Variants in HERC2 observed in about 807,000 individuals in gnomAD.
The protein encoded by HERC2 is E3 ubiquitin-protein ligase HERC2.
HERC2 carries 102 observed loss-of-function variants against 537.7 expected under a neutral mutation model. That is an observed-to-expected ratio of 0.19 (90% CI 0.16 to 0.22). The LOEUF is 0.22. HERC2 is among the 10% of genes least tolerant of loss of function. HERC2 has a pLI of 1.00. For missense variants in HERC2, 4,236 were observed against 6,198.2 expected, an observed-to-expected ratio of 0.68 and a Z score of 10.63; for synonymous variants, 2,224 against 2,466.2, an observed-to-expected ratio of 0.90 and a Z score of 2.91.
At chr15:28,270,495 G>A (rs902963306) in intron 10 of HERC2, among the ~76,000 whole-genome samples, 200 bp downstream of exon 10, 3 of 151,942 alleles carry the variant, frequency 2.0e-5, no homozygotes, top group South Asian at 2.1e-4. Flanking sequence ...AGGTTGGGTC[G>A]CCAGGCCTGT....
chr15:28,138,303 T>C (rs1208257435), intron 78 of HERC2, among the ~76,000 whole-genome samples: 1 of 152,190 alleles, frequency 6.6e-6, no homozygotes, highest in Non-Finnish European at 1.5e-5. Flanking sequence ...AACCGTCTAT[T>C]GGAAGAAGAT....
chr15:28,230,718 C>T (rs2525986), intron 30 of HERC2, among the ~76,000 whole-genome samples: 17 of 150,958 alleles, frequency 1.1e-4, no homozygotes, highest in Non-Finnish European at 1.3e-4. Context: ...CCCCGAAGCA[C>T]GGGAAGCCCG....
chr15:28,314,702 A>G (rs1263009156), intron 2 of HERC2, among the ~76,000 whole-genome samples: 1 of 149,362 alleles, frequency 6.7e-6, no homozygotes, highest in African/African-American at 2.4e-5. Context: ...TAAAAATACA[A>G]AAAAAAAAAT....
intron 3 of HERC2, among the ~76,000 whole-genome samples, chr15:28,297,618 C>T (rs1011995391): frequency 4.0e-5 from 6 of 151,786 alleles, no homozygotes; most frequent in African/African-American, 7.3e-5. Flanking sequence ...CAGAAGAACC[C>T]GACTACGTGA....
rs766906619 is a variant in HERC2, at chr15:28,122,350, G to A, written c.13189-921C>T. ...AGCTCTCTTGGCCAAGGAGGCAATC[G>A]TGCCTTCTTTCGGTTAGGGGTGGGC... On this transcript the variant is annotated intron_variant, in intron 85 of 92. Coordinates refer to ENST00000261609, the MANE Select transcript of HERC2 (RefSeq NM_004667.6). The surrounding 1 kb of genome is among the most constrained non-coding windows in gnomAD (Gnocchi z 4.1). Among the ~76,000 whole-genome samples the A allele has an allele frequency of 6.6e-6, 1 of 152,198 alleles. No individual in the cohort carries two copies. Among genetic ancestry groups the A allele is most frequent in the Non-Finnish European group, 1.5e-5 (1 of 68,026 alleles).
chr15:28,170,513 C>A (rs1894586212), intron 65 of HERC2, among the ~76,000 whole-genome samples: 2 of 152,156 alleles, frequency 1.3e-5, no homozygotes, highest in Non-Finnish European at 2.9e-5. Context: ...AAAATTAAAT[C>A]CAAATGGATC....
Position 28,114,773 on chromosome 15 carries a change from C to A in HERC2, c.13752G>T (p.Met4584Ile). The change falls in exon 90 of 93, where the codon ATG becomes ATT. Residue 4584 changes from methionine to isoleucine, a missense_variant. Coordinates refer to ENST00000261609, the MANE Select transcript of HERC2 (RefSeq NM_004667.6). ...AGGTGGCTTCATTGTCTCGGATGTA[C>A]ATGAGTCCAGGAATAAAATCCTTAT... ...EVDKDFIPGL[M>I]YIRDNEATSE... 1 of 1,614,034 alleles carries A rather than the reference C, an allele frequency of 6.2e-7. No individual in the cohort carries two copies. Among genetic ancestry groups the A allele is most frequent in the Non-Finnish European group, 8.5e-7 (1 of 1,180,008 alleles).
At position 28,257,112 on chromosome 15, in the gene HERC2, G is replaced by A; in HGVS notation, c.2466C>T (p.Pro822=). The A allele has an allele frequency of 6.2e-7, 1 of 1,613,830 alleles. No homozygotes were observed. The highest frequency in any genetic ancestry group is 8.5e-7 in the Non-Finnish European group (1 of 1,179,782). ...CCACGGCCACACACTCTTTCTCCTG[G>A]GGCGGGGGCCAGTCCGCGGAACCAT... ...GMDGSADWPP[P]QEKECVAVAT... The change falls in exon 17 of 93, where the codon CCC becomes CCT. Residue 822 remains proline (P), a synonymous_variant. Transcript: ENST00000261609.
At chr15:28,249,262 G>A (rs765601822) in intron 20 of HERC2, among the ~76,000 whole-genome samples, 5 of 152,100 alleles carry the variant, frequency 3.3e-5, no homozygotes, top group South Asian at 2.1e-4. Context: ...GCCCTTACTC[G>A]CAAGCAGCAC....
At chr15:28,298,799 C>CA (rs2076542962) in intron 3 of HERC2, among the ~76,000 whole-genome samples, 1 of 151,210 alleles carries the variant, frequency 6.6e-6, no homozygotes, top group Admixed American at 6.6e-5. Flanking sequence ...CCTTCCCCCC[C>CA]AAAAAAAAGA....
At chr15:28,217,418 ACACT>A (rs1349349760) in intron 38 of HERC2, among the ~76,000 whole-genome samples, 4 of 152,110 alleles carry the variant, frequency 2.6e-5, no homozygotes, top group Admixed American at 1.3e-4. Context: ...GACCGCTAAC[ACACT>A]CACTCTCATC....
intron 20 of HERC2, among the ~76,000 whole-genome samples, chr15:28,253,202 A>C (rs2075139477): frequency 6.6e-6 from 1 of 152,222 alleles, no homozygotes; most frequent in Admixed American, 6.5e-5. Context: ...GCTTCTGCCA[A>C]GGTTAGCCTC....
Position 28,257,172 on chromosome 15 carries a change from C to T in HERC2, c.2406G>A (p.Leu802=), listed in dbSNP as rs781249149. ...VDICSMTFEQ[L]DLLLRQVSEG... ...CACTCACCTGCCGAAGCAGGAGATC[C>T]AGCTGCTCAAAAGTCATTGAGCAGA... The change falls in exon 17 of 93, where the codon CTG becomes CTA. Residue 802 remains leucine, a synonymous_variant. Transcript: ENST00000261609. 12 of 1,613,814 alleles carry T rather than the reference C, an allele frequency of 7.4e-6. No homozygotes were observed. In the African/African-American group the frequency reaches 1.5e-4, roughly 20 times the overall value.
intron 2 of HERC2, among the ~76,000 whole-genome samples, chr15:28,309,553 A>T (rs550241870): frequency 6.6e-6 from 1 of 152,106 alleles, no homozygotes; most frequent in Non-Finnish European, 1.5e-5. Flanking sequence ...ATGGTCTTCA[A>T]TTTGAAGAAG....
chr15:28,267,159 C>T (rs902461293), intron 12 of HERC2, among the ~76,000 whole-genome samples: 2 of 152,200 alleles, frequency 1.3e-5, no homozygotes, highest in African/African-American at 4.8e-5. Context: ...CTCCTTTACT[C>T]ACTTTGTGAC....
intron 46 of HERC2, 34 bp from the exon 47 acceptor site, chr15:28,202,283 T>A: frequency 1.2e-6 from 2 of 1,612,930 alleles, no homozygotes; most frequent in Non-Finnish European, 1.7e-6. Flanking sequence ...GCAGCCACTG[T>A]GAGTCAACAG....
chr15:28,315,367 T>A (rs1167498556), intron 2 of HERC2, among the ~76,000 whole-genome samples: 1 of 152,210 alleles, frequency 6.6e-6, no homozygotes, highest in Non-Finnish European at 1.5e-5. Context: ...CAGCGGAGAC[T>A]GGAGCCGAAG....
At chr15:28,236,225 C>A (rs181886834) in intron 26 of HERC2, among the ~76,000 whole-genome samples, 3 of 152,188 alleles carry the variant, frequency 2.0e-5, no homozygotes, top group Non-Finnish European at 2.9e-5. Flanking sequence ...CCACTCACAG[C>A]TGTTTCTACC....
intron 71 of HERC2, 93 bp from the exon 72 acceptor site, chr15:28,144,897 C>T (rs1030917739): frequency 3.0e-5 from 46 of 1,531,158 alleles, no homozygotes; most frequent in African/African-American, 9.5e-5. Flanking sequence ...ATTTCCGTCA[C>T]GTGTGAAGAG....
Sources: allele counts gnomAD v4.1 joint callset (sites outside exome capture counted in the v4.1 genomes callset), GRCh38; gene constraint gnomAD v4.1.1; non-coding constraint Gnocchi (gnomAD v3.1); transcripts MANE v1.5; gene names NCBI Gene and HGNC (gene_info 2026-07-23, HGNC 2026-07-21).